The following PCDHGB7 variants were observed in gnomAD, a reference collection of about 807,000 sequenced individuals.
PCDHGB7 encodes protocadherin gamma-B7.
PCDHGB7 carries 37 observed loss-of-function variants against 61.4 expected under a neutral mutation model. The ratio of observed to expected loss-of-function variants is 0.60; its 90% confidence interval spans 0.46 to 0.79. The LOEUF (loss-of-function observed/expected upper bound fraction) is 0.79. Among genes scored for constraint, PCDHGB7 ranks in the 30% least tolerant of loss-of-function variants. The pLI is 0.00. For synonymous variants in PCDHGB7, 464 were observed against 503.5 expected, an observed-to-expected ratio of 0.92 and a Z score of 1.05; for missense variants, 1,166 against 1,202.5, an observed-to-expected ratio of 0.97 and a Z score of 0.45.
chr5:141,486,100 C>G lies in PCDHGB7; in HGVS notation c.2416-8707C>G. Reference sequence around the variant, plus strand: ...AGCTTACTCTTTTGGGGCCCCTAGACTTTGAGAGTGAGAATTACTATGAAT... The same window carrying G: ...AGCTTACTCTTTTGGGGCCCCTAGAGTTTGAGAGTGAGAATTACTATGAAT... On this transcript the variant is annotated intron_variant, in intron 1 of 3. Transcript: ENST00000398594. This position sits in a 1 kb window ranked among gnomAD's most constrained non-coding sequence, Gnocchi z 5.0. 1 of 1,614,190 alleles carries G rather than the reference C, an allele frequency of 6.2e-7. No individual in the cohort carries two copies. The highest frequency in any genetic ancestry group is 1.1e-5 in the South Asian group (1 of 91,086).
At chr5:141,488,578 G>A (rs1286219713) in intron 1 of PCDHGB7, among the ~76,000 whole-genome samples, 2 of 152,178 alleles carry the variant, frequency 1.3e-5, no homozygotes, top group Non-Finnish European at 2.9e-5. Flanking sequence ...AGCATTGCTG[G>A]AGAGTCAGGG....
chr5:141,418,948 A>G lies in PCDHGB7; in HGVS notation c.1089A>G (p.Gly363=), dbSNP rs767664022. 1 of 1,614,042 alleles carries G rather than the reference A, an allele frequency of 6.2e-7. No individual in the cohort carries two copies. The highest frequency in any genetic ancestry group is 8.5e-7 in the Non-Finnish European group (1 of 1,179,900). ...SDQIMEDSPP[G]VVVALFKTRD... ...AGATTATGGAGGATTCCCCTCCAGG[A>G]GTGGTTGTTGCCCTCTTCAAAACAC... The change falls in exon 1 of 4, where the codon GGA becomes GGG. Residue 363 remains glycine (G), a synonymous_variant. Transcript: ENST00000398594.
chr5:141,422,670 C>CA (rs754910458), intron 1 of PCDHGB7: 6 of 1,607,126 alleles, frequency 3.7e-6, no homozygotes, highest in Non-Finnish European at 1.7e-6. Flanking sequence ...TCGACCCGGA[C>CA]AGCAAACAGA....
rs371807105 is a variant in PCDHGB7 at position 141,476,586 on chromosome 5, A to G, written c.2416-18221A>G. ...GCTCCGGGGACGCGCTTTCCGCTCG[A>G]GAGCGCGCACGATCCCGATGTGGGA... is the stretch of plus-strand genomic sequence containing the variant. On this transcript the variant is annotated intron_variant, in intron 1 of 3. Coordinates refer to ENST00000398594, the MANE Select transcript of PCDHGB7 (RefSeq NM_018927.4). This position sits in a 1 kb window ranked among gnomAD's most constrained non-coding sequence, Gnocchi z 7.6. The G allele has an allele frequency of 6.2e-7, 1 of 1,614,222 alleles. No homozygotes were observed. The highest frequency in any genetic ancestry group is 8.5e-7 in the Non-Finnish European group (1 of 1,180,032).
rs188916402 is a variant in PCDHGB7, at chr5:141,473,975, G to A, written c.2416-20832G>A. 4.6e-5 allele frequency among the ~76,000 whole-genome samples: 7 copies of A among 152,222 alleles called. No homozygotes were observed. The East Asian group carries it at 7.7e-4, about 17-fold the overall frequency. ...TCCCATCTACTTAGAAGTCTGAGGCGGGAGGATCCCTTGAGCCCAAGGAGC... is the reference window on the plus strand; with the variant it reads ...TCCCATCTACTTAGAAGTCTGAGGCAGGAGGATCCCTTGAGCCCAAGGAGC... On this transcript the variant is annotated intron_variant, in intron 1 of 3. Transcript: ENST00000398594.
chr5:141,432,763 C>T lies in PCDHGB7; in HGVS notation c.2415+12489C>T. The T allele has an allele frequency of 6.2e-7, 1 of 1,614,152 alleles. No homozygotes were observed. The highest frequency in any genetic ancestry group is 8.5e-7 in the Non-Finnish European group (1 of 1,180,004). ...TCACCGTGGCCGTGGCCGACAGCAT[C>T]CCCCAAGTCCTGGCGGACCTCGGCA... On this transcript the variant is annotated intron_variant, in intron 1 of 3. Transcript: ENST00000398594. This position sits in a 1 kb window ranked among gnomAD's most constrained non-coding sequence, Gnocchi z 6.0.
Position 141,432,465 on chromosome 5 carries a change from C to G in PCDHGB7, c.2415+12191C>G. ...GAGATCCTGTACCCCGCCCTCCCCACGGACGGTTCCACTGGCGTGGAGCTG... is the reference window on the plus strand; with the variant it reads ...GAGATCCTGTACCCCGCCCTCCCCAGGGACGGTTCCACTGGCGTGGAGCTG... On this transcript the variant is annotated intron_variant, in intron 1 of 3. Transcript: ENST00000398594. The surrounding 1 kb of genome is among the most constrained non-coding windows in gnomAD (Gnocchi z 6.0). The G allele has an allele frequency of 6.2e-7, 1 of 1,614,222 alleles. No individual in the cohort carries two copies. Among genetic ancestry groups the G allele is most frequent in the Non-Finnish European group, 8.5e-7 (1 of 1,180,050 alleles).
At chr5:141,439,741 A>C (rs1303886454) in intron 1 of PCDHGB7, 1 of 152,352 alleles carries the variant, frequency 6.6e-6, no homozygotes, top group African/African-American at 2.4e-5. Flanking sequence ...AACGGAACGG[A>C]TTTACAGGCA....
At position 141,487,148 on chromosome 5, in the gene PCDHGB7, G is replaced by A; in HGVS notation, c.2416-7659G>A. ...TGGTAGTCCACCACTCTCTACCTCT[G>A]TTACTCTCTTAGTGTCCTTAGAGGA... On this transcript the variant is annotated intron_variant, in intron 1 of 3. Transcript: ENST00000398594. This position sits in a 1 kb window ranked among gnomAD's most constrained non-coding sequence, Gnocchi z 5.0. The A allele has an allele frequency of 6.2e-7, 1 of 1,614,042 alleles. No homozygotes were observed. The highest frequency in any genetic ancestry group is 8.5e-7 in the Non-Finnish European group (1 of 1,179,922).
At chr5:141,488,478 A>T (rs1251914951) in intron 1 of PCDHGB7, among the ~76,000 whole-genome samples, 5 of 152,072 alleles carry the variant, frequency 3.3e-5, no homozygotes, top group African/African-American at 4.8e-5. Flanking sequence ...ATGTTCCCCT[A>T]CCCAAAAACT....
chr5:141,483,168 C>A (rs750259590), intron 1 of PCDHGB7, among the ~76,000 whole-genome samples: 3 of 152,104 alleles, frequency 2.0e-5, no homozygotes, highest in Non-Finnish European at 4.4e-5. Context: ...CCTGAGTTAC[C>A]TTTGGGCCAA....
rs2099615817 is a variant in PCDHGB7 at position 141,485,564 on chromosome 5, C to G, written c.2416-9243C>G. On this transcript the variant is annotated intron_variant, in intron 1 of 3. Coordinates refer to ENST00000398594, the MANE Select transcript of PCDHGB7 (RefSeq NM_018927.4). This position sits in a 1 kb window ranked among gnomAD's most constrained non-coding sequence, Gnocchi z 5.7. ...GATCGTAGATGTGAATGATCACGCCCCCCGTTTTCCGCGGCAGCAGCTGGA... is the reference window on the plus strand; with the variant it reads ...GATCGTAGATGTGAATGATCACGCCGCCCGTTTTCCGCGGCAGCAGCTGGA... 6.2e-7 allele frequency: 1 copy of G among 1,612,958 alleles called. No individual in the cohort carries two copies. The highest frequency in any genetic ancestry group is 8.5e-7 in the Non-Finnish European group (1 of 1,179,052).
rs747633858 is a variant in PCDHGB7, at chr5:141,491,133, C to T, written c.2416-3674C>T. 6.2e-6 allele frequency: 10 copies of T among 1,614,158 alleles called. No homozygotes were observed. In the South Asian group the frequency reaches 9.9e-5, roughly 16 times the overall value. The stretch of plus-strand genomic sequence containing the variant: ...CACACACTGGTGAGGTGCGCACAGC[C>T]CGGGCCTTACTGGAGGATGACTCTG... On this transcript the variant is annotated intron_variant, in intron 1 of 3. Transcript: ENST00000398594. The surrounding 1 kb of genome is among the most constrained non-coding windows in gnomAD (Gnocchi z 6.9).
rs1183407162 is a variant in PCDHGB7 at position 141,422,793 on chromosome 5, C to G, written c.2415+2519C>G. 3 of 1,614,110 alleles carry G rather than the reference C, an allele frequency of 1.9e-6. No individual in the cohort carries two copies. The South Asian group carries it at 3.3e-5, about 18-fold the overall frequency. On this transcript the variant is annotated intron_variant, in intron 1 of 3. Transcript: ENST00000398594. Reference sequence around the variant, plus strand: ...TTCTCTATGCCCTACAATCCTTCGACTATGAGCAGTTTCGAGACTTAGAAC... The same window carrying G: ...TTCTCTATGCCCTACAATCCTTCGAGTATGAGCAGTTTCGAGACTTAGAAC...
At chr5:141,421,300 C>A (rs377161386) in intron 1 of PCDHGB7, 2 of 1,613,320 alleles carry the variant, frequency 1.2e-6, no homozygotes, top group African/African-American at 1.3e-5. Context: ...GGGGACGCTG[C>A]GGGGGTTCCG....
chr5:141,472,980 C>CAAAAAAAAAAAAAAAAAAAAAAAAAAAA (rs60579131), intron 1 of PCDHGB7, among the ~76,000 whole-genome samples: 1 of 86,106 alleles, frequency 1.2e-5, no homozygotes, highest in Non-Finnish European at 2.5e-5. Flanking sequence ...GAGTGAAACT[C>CAAAAAAAAAAAAAAAAAAAAAAAAAAAA]AAAAAAAAAA....
At chr5:141,456,217 A>G (rs1328039447) in intron 1 of PCDHGB7, among the ~76,000 whole-genome samples, 1 of 152,064 alleles carries the variant, frequency 6.6e-6, no homozygotes, top group East Asian at 1.9e-4. Context: ...CCCTGTGGCG[A>G]TATCAAACTA....
chr5:141,430,399 T>C (rs2097282187), intron 1 of PCDHGB7, among the ~76,000 whole-genome samples: 1 of 150,106 alleles, frequency 6.7e-6, no homozygotes, highest in African/African-American at 2.4e-5. Flanking sequence ...AAAAAAAAGC[T>C]CACTAAAGTT....
Position 141,476,008 on chromosome 5 carries a change from G to T in PCDHGB7, c.2416-18799G>T. 1 of 1,282,144 alleles carries T rather than the reference G, an allele frequency of 7.8e-7. No homozygotes were observed. Among genetic ancestry groups the T allele is most frequent in the Non-Finnish European group, 1.1e-6 (1 of 935,996 alleles). 79.4% of individuals were successfully genotyped at this position (1,282,144 alleles called of 1,614,324 possible). On this transcript the variant is annotated intron_variant, in intron 1 of 3. Coordinates refer to ENST00000398594, the MANE Select transcript of PCDHGB7 (RefSeq NM_018927.4). This position sits in a 1 kb window ranked among gnomAD's most constrained non-coding sequence, Gnocchi z 7.6. ...CGAGCAAATCAACGGCATCCAGAAA[G>T]CCATGTCGGACTCGGCGCCCAGCGC... is the stretch of plus-strand genomic sequence containing the variant.
Sources: gnomAD v4.1 joint callset for allele counts (sites outside exome capture counted in the v4.1 genomes callset) on GRCh38, gnomAD v4.1.1 for gene constraint, Gnocchi (gnomAD v3.1) non-coding constraint, MANE v1.5 for transcripts, NCBI Gene and HGNC (gene_info 2026-07-23, HGNC 2026-07-21) for gene names.